MPP7: variants seen among roughly 807,000 people sequenced by gnomAD.
MPP7 encodes the protein MAGUK p55 subfamily member 7.
A neutral mutation model predicts 76.5 loss-of-function variants in MPP7; 60 were observed. That is an observed-to-expected ratio of 0.78 (90% CI 0.64 to 0.97). The LOEUF (loss-of-function observed/expected upper bound fraction) is 0.97, where lower values mean the gene tolerates loss of function less well. MPP7 is among the 50% of genes least tolerant of loss of function. The pLI is 0.00. For missense variants in MPP7, 641 were observed against 694.0 expected (o/e 0.92, Z 0.86); for synonymous variants, 237 against 244.5 (o/e 0.97, Z 0.29).
chr10:28,077,669 C>G (rs566446287), intron 12 of MPP7, among the ~76,000 whole-genome samples: 1 of 152,144 alleles, frequency 6.6e-6, no homozygotes, highest in African/African-American at 2.4e-5. Context: ...TTTATTCATA[C>G]GCCTCTGCAA....
chr10:28,059,861 A>G (rs556328961), intron 13 of MPP7, 118 bp from the exon 14 acceptor site: 1 of 695,426 alleles, frequency 1.4e-6, no homozygotes, highest in East Asian at 2.8e-5. Context: ...AAATGTATTT[A>G]AAAAGCAAAT....
chr10:28,304,588 A>G (rs527811707), upstream of MPP7, among the ~76,000 whole-genome samples: 1 of 150,102 alleles, frequency 6.7e-6, no homozygotes, highest in Admixed American at 6.5e-5. Context: ...AACCTTTCTA[A>G]TAATAACTGT....
At chr10:28,301,123 C>T (rs1286857249) in intron 1 of MPP7, among the ~76,000 whole-genome samples, 1 of 152,198 alleles carries the variant, frequency 6.6e-6, no homozygotes, top group Non-Finnish European at 1.5e-5. Context: ...TGCCCAAACT[C>T]CTTTGGTCAA....
At position 28,184,766 on chromosome 10, in the gene MPP7, T is replaced by C. The variant is rs150524127; in HGVS notation, c.156+17387A>G. Among the ~76,000 whole-genome samples the C allele has an allele frequency of 4.3e-3, 641 of 147,638 alleles. 8 individuals carry two copies. The highest frequency in any genetic ancestry group is 0.015 in the African/African-American group (612 of 40,754). ...ATATAATTAATATATATCATTAATA[T>C]ATTATTTATATATAGATATTATCTT... On this transcript the variant is annotated intron_variant, in intron 3 of 16. Coordinates refer to ENST00000683449, the MANE Select transcript of MPP7 (RefSeq NM_001318170.2).
At chr10:28,089,909 A>G in intron 11 of MPP7, 68 bp from the exon 12 acceptor site, 1 of 849,432 alleles carries the variant, frequency 1.2e-6, no homozygotes, top group East Asian at 2.7e-5. Flanking sequence ...AAAAAAAAAA[A>G]CCCTCAGAGT....
At chr10:28,193,506 T>G (rs1181706328) in intron 3 of MPP7, among the ~76,000 whole-genome samples, 5 of 152,176 alleles carry the variant, frequency 3.3e-5, no homozygotes, top group Non-Finnish European at 7.3e-5. Context: ...TCACCATGAC[T>G]GGCCTGACAA....
At chr10:28,212,283 T>C (rs925618648) in intron 2 of MPP7, among the ~76,000 whole-genome samples, 1 of 151,514 alleles carries the variant, frequency 6.6e-6, no homozygotes, top group Non-Finnish European at 1.5e-5. Context: ...CCAGGGGAAG[T>C]TGTGAGAACT....
chr10:28,244,468 G>A (rs2132796429), intron 1 of MPP7, among the ~76,000 whole-genome samples: 1 of 152,076 alleles, frequency 6.6e-6, no homozygotes, highest in Non-Finnish European at 1.5e-5. Flanking sequence ...TGTAAGAAAA[G>A]ATGATTTATA....
At chr10:28,202,295 A>C in intron 2 of MPP7, 24 bp from the exon 3 acceptor site, 2 of 1,519,602 alleles carry the variant, frequency 1.3e-6, no homozygotes, top group Non-Finnish European at 1.8e-6. Flanking sequence ...ATAAAACACA[A>C]AGTGTAATCT....
intron 11 of MPP7, among the ~76,000 whole-genome samples, chr10:28,105,211 A>G (rs1409105755): frequency 1.3e-5 from 2 of 151,654 alleles, no homozygotes; most frequent in Admixed American, 1.3e-4. Context: ...GTAGGCAGAA[A>G]GACCTTAAGT....
rs893793519 is a variant in MPP7, at chr10:28,069,629, A to C, written c.1204+143T>G. ...AAAAAACAAAACAAACAAAAAAAAA[A>C]CTCACATGCCCCATAAATACATATA... is the stretch of plus-strand genomic sequence containing the variant. On this transcript the variant is annotated intron_variant, in intron 13 of 16. Transcript: ENST00000683449. The C allele has an allele frequency of 6.4e-5, 31 of 482,134 alleles. 1 individual carries two copies. Among genetic ancestry groups the C allele is most frequent in the South Asian group, 3.8e-4 (7 of 18,342 alleles). 29.9% of individuals were successfully genotyped at this position (482,134 alleles called of 1,614,324 possible). A position where few individuals can be genotyped will look rare whatever the true frequency, so the allele number is the denominator to read the frequency against.
chr10:28,205,672 G>A (rs912974384), intron 2 of MPP7, among the ~76,000 whole-genome samples: 42 of 152,238 alleles, frequency 2.8e-4, no homozygotes, highest in African/African-American at 7.7e-4. Context: ...AGGTCTATTC[G>A]TAAGTCCAGG....
At chr10:28,263,507 G>A (rs554178518) in intron 1 of MPP7, among the ~76,000 whole-genome samples, 8 of 152,228 alleles carry the variant, frequency 5.3e-5, no homozygotes, top group African/African-American at 9.6e-5. Context: ...CATTTTTCCC[G>A]TCAATGTAGA....
intron 12 of MPP7, among the ~76,000 whole-genome samples, chr10:28,079,064 G>C (rs1280611965): frequency 6.6e-6 from 1 of 152,126 alleles, no homozygotes; most frequent in East Asian, 1.9e-4. Context: ...AAATGATCTT[G>C]AAATTGGTTG....
At chr10:28,166,424 T>G (rs7098217) in intron 3 of MPP7, among the ~76,000 whole-genome samples, 12,733 of 129,178 alleles carry the variant, frequency 0.099, 966 homozygotes, top group African/African-American at 0.23. Flanking sequence ...TTTTTTTTTT[T>G]GGGACAGAGT....
At chr10:28,230,918 G>C (rs1164775885) in intron 2 of MPP7, among the ~76,000 whole-genome samples, 1 of 152,004 alleles carries the variant, frequency 6.6e-6, no homozygotes, top group Non-Finnish European at 1.5e-5. Flanking sequence ...GTAACTGAAG[G>C]AATAAGCAGC....
At chr10:28,275,603 C>T (rs1034722806) in intron 1 of MPP7, among the ~76,000 whole-genome samples, 4 of 152,152 alleles carry the variant, frequency 2.6e-5, no homozygotes, top group African/African-American at 9.6e-5. Flanking sequence ...GAAGACATTT[C>T]ACAGTGTTGG....
At chr10:28,083,530 CTCTTT>C (rs1440520650) in intron 12 of MPP7, among the ~76,000 whole-genome samples, 2 of 134,996 alleles carry the variant, frequency 1.5e-5, no homozygotes. Context: ...GATTTTCTTC[CTCTTT>C]TTTTTTTTTT....
chr10:28,202,055 T>G, intron 3 of MPP7, 98 bp downstream of exon 3: 1 of 842,370 alleles, frequency 1.2e-6, no homozygotes, highest in Non-Finnish European at 2.0e-6. Flanking sequence ...TGTTTTGTTT[T>G]CAGAGAGCAA....
Sources: allele counts gnomAD v4.1 joint callset (sites outside exome capture counted in the v4.1 genomes callset), GRCh38; gene constraint gnomAD v4.1.1; transcripts MANE v1.5; gene names NCBI Gene and HGNC (gene_info 2026-07-23, HGNC 2026-07-21).